PXDNL: variants seen among roughly 807,000 people sequenced by gnomAD.
The protein encoded by PXDNL is probable oxidoreductase PXDNL.
A neutral mutation model predicts 150.8 loss-of-function variants in PXDNL; 145 were observed. The ratio of observed to expected loss-of-function variants is 0.96; its 90% CI spans 0.84 to 1.10. The LOEUF is 1.10. Ranked by LOEUF, PXDNL falls within the 50% of genes least tolerant of loss-of-function variation. The probability of loss-of-function intolerance (pLI) is 0.00; values close to 1 mark genes in which losing one functional copy is unlikely to be tolerated. For missense variants in PXDNL, 2,087 were observed against 1,873.9 expected (o/e 1.11, Z -2.10); for synonymous variants, 757 against 725.7 (o/e 1.04, Z -0.69).
At chr8:51,363,392 G>A (rs1194517964) in intron 19 of PXDNL, among the ~76,000 whole-genome samples, 1 of 152,108 alleles carries the variant, frequency 6.6e-6, no homozygotes, top group African/African-American at 2.4e-5. Flanking sequence ...GGTTTCGCAA[G>A]ACTCACGTCT....
chr8:51,717,177 T>G (rs942626439), intron 1 of PXDNL, among the ~76,000 whole-genome samples: 1 of 152,174 alleles, frequency 6.6e-6, no homozygotes, highest in African/African-American at 2.4e-5. Flanking sequence ...GCTTACCAAT[T>G]TTATCTGTCT....
intron 4 of PXDNL, among the ~76,000 whole-genome samples, chr8:51,528,627 C>T (rs1422653461): frequency 6.6e-6 from 1 of 152,048 alleles, no homozygotes; most frequent in Non-Finnish European, 1.5e-5. Context: ...TGGGTAGGTC[C>T]AATCTAATCA....
chr8:51,733,295 T>C (rs1384914643), intron 1 of PXDNL, among the ~76,000 whole-genome samples: 3 of 152,362 alleles, frequency 2.0e-5, no homozygotes, highest in East Asian at 3.9e-4. Context: ...CTCATTTCTA[T>C]GAAGCAGTTT....
At chr8:51,664,990 C>T (rs1306493219) in intron 1 of PXDNL, among the ~76,000 whole-genome samples, 1 of 152,192 alleles carries the variant, frequency 6.6e-6, no homozygotes, top group Non-Finnish European at 1.5e-5. Flanking sequence ...CACCACATCT[C>T]CTGGGAGCAC....
At chr8:51,449,500 A>G (rs1809755971) in intron 10 of PXDNL, among the ~76,000 whole-genome samples, 1 of 152,254 alleles carries the variant, frequency 6.6e-6, no homozygotes, top group Non-Finnish European at 1.5e-5. Context: ...CACATGCACA[A>G]TAAAATTTGA....
chr8:51,768,930 C>T (rs1265729679), intron 1 of PXDNL, among the ~76,000 whole-genome samples: 1 of 152,082 alleles, frequency 6.6e-6, no homozygotes, highest in East Asian at 1.9e-4. Context: ...CCCGTCTCTA[C>T]TAAAAATAAA....
chr8:51,378,318 A>G (rs188571477), intron 17 of PXDNL, among the ~76,000 whole-genome samples: 1,532 of 152,138 alleles, frequency 0.01, 20 homozygotes, highest in African/African-American at 0.034. Context: ...TTGTAAATGC[A>G]CCAATCAGCA....
chr8:51,471,062 T>TGGGAGTA (rs11281970), intron 8 of PXDNL, among the ~76,000 whole-genome samples: 29,523 of 143,272 alleles, frequency 0.21, 3,995 homozygotes, highest in African/African-American at 0.4. Flanking sequence ...ACCTACAGAA[T>TGGGAGTA]GGGAGAAGAT....
chr8:51,387,319 T>G (rs1191893669), intron 17 of PXDNL, among the ~76,000 whole-genome samples: 1 of 152,198 alleles, frequency 6.6e-6, no homozygotes, highest in Non-Finnish European at 1.5e-5. Context: ...TTAACTATGG[T>G]AATAGAGCCA....
At chr8:51,365,941 G>T (rs188418571) in intron 19 of PXDNL, among the ~76,000 whole-genome samples, 2 of 152,276 alleles carry the variant, frequency 1.3e-5, no homozygotes, top group East Asian at 3.9e-4. Flanking sequence ...GAAACTTTAA[G>T]GAAGGAGATA....
intron 14 of PXDNL, among the ~76,000 whole-genome samples, chr8:51,417,201 C>A (rs1808822091): frequency 6.6e-6 from 1 of 151,932 alleles, no homozygotes; most frequent in South Asian, 2.1e-4. Flanking sequence ...TCTTTTTATG[C>A]AAAATTTTAC....
rs575705823 is a variant in PXDNL at position 51,398,803 on chromosome 8, C to T, written c.3557+9264G>A. ...AATTCACACTTAGGAAAGTAATGAA[C>T]CCCTGAATGATGGCTGTGATGTTTA... On this transcript the variant is annotated intron_variant, in intron 17 of 22. Transcript: ENST00000356297. 3.5e-5 allele frequency among the ~76,000 whole-genome samples: 5 copies of T among 144,546 alleles called. No homozygotes were observed. In the South Asian group the frequency reaches 1.0e-3, roughly 30 times the overall value. The allele number at this position is 144,546 out of a possible 152,430, so 94.8% of individuals were successfully genotyped here. A position where few individuals can be genotyped will look rare whatever the true frequency, so the allele number is the denominator to read the frequency against.
chr8:51,748,761 C>T (rs144962144), intron 1 of PXDNL, among the ~76,000 whole-genome samples: 1 of 152,286 alleles, frequency 6.6e-6, no homozygotes, highest in African/African-American at 2.4e-5. Context: ...AGCCTCCTGC[C>T]GTGGGTCTTT....
intron 1 of PXDNL, among the ~76,000 whole-genome samples, chr8:51,702,597 A>T (rs1816278919): frequency 1.3e-5 from 2 of 152,100 alleles, no homozygotes; most frequent in Non-Finnish European, 2.9e-5. Context: ...CTTTTTATTA[A>T]CTGTGGGACA....
At chr8:51,801,575 C>T (rs1356516707) in intron 1 of PXDNL, among the ~76,000 whole-genome samples, 1 of 152,132 alleles carries the variant, frequency 6.6e-6, no homozygotes, top group East Asian at 1.9e-4. Flanking sequence ...TAAAATTCCT[C>T]TCTTTGCACT....
intron 17 of PXDNL, among the ~76,000 whole-genome samples, chr8:51,398,354 C>G (rs957142114): frequency 1.3e-5 from 2 of 152,184 alleles, no homozygotes; most frequent in Admixed American, 6.5e-5. Context: ...CAGACATTTA[C>G]CTTGGGGCCC....
At chr8:51,767,662 T>A (rs2037246339) in intron 1 of PXDNL, among the ~76,000 whole-genome samples, 1 of 152,222 alleles carries the variant, frequency 6.6e-6, no homozygotes. Flanking sequence ...TTTTCAAATC[T>A]TTACTGCATA....
At chr8:51,559,330 A>ACCC (rs59230172) in intron 3 of PXDNL, among the ~76,000 whole-genome samples, 22 of 98,110 alleles carry the variant, frequency 2.2e-4, no homozygotes, top group East Asian at 1.3e-3. Flanking sequence ...TTTCTTCCAA[A>ACCC]CCCCCCCCCC....
intron 2 of PXDNL, among the ~76,000 whole-genome samples, chr8:51,645,125 G>C (rs1814889414): frequency 6.6e-6 from 1 of 152,048 alleles, no homozygotes; most frequent in South Asian, 2.1e-4. Context: ...TTCCAGTTTT[G>C]AAGTCTGAGA....
Sources: gnomAD v4.1 joint callset for allele counts (sites outside exome capture counted in the v4.1 genomes callset) on GRCh38, gnomAD v4.1.1 for gene constraint, MANE v1.5 for transcripts, NCBI Gene and HGNC (gene_info 2026-07-23, HGNC 2026-07-21) for gene names.